The following ACY3 variants were observed in gnomAD, a reference collection of about 807,000 sequenced individuals.
ACY3 encodes aminoacylase 3.
Under a neutral mutation model 24.6 loss-of-function variants are expected in ACY3, and 20 were observed. The ratio of observed to expected loss-of-function variants is 0.81; its 90% CI spans 0.57 to 1.18. The LOEUF is 1.18. Ranked by LOEUF, ACY3 falls within the 50% of genes most tolerant of loss-of-function variation. The pLI, the probability that ACY3 is intolerant of heterozygous loss-of-function variation, is 0.00. For missense variants in ACY3, 423 were observed against 426.8 expected, an observed-to-expected ratio of 0.99 and a Z score of 0.08; for synonymous variants, 174 against 188.4, an observed-to-expected ratio of 0.92 and a Z score of 0.62.
Position 67,645,280 on chromosome 11 carries a change from G to A in ACY3, c.526+7C>T, listed in dbSNP as rs751570351. The stretch of plus-strand genomic sequence containing the variant: ...CCCCGCCCACTTCTCAGAAGGCTGC[G>A]GCCCACCCAGTCCATTTTTGGCCAC... On this transcript the variant is annotated splice_region_variant and intron_variant, in intron 5 of 7. Coordinates refer to ENST00000255082, the MANE Select transcript of ACY3 (RefSeq NM_080658.2). 3 of 1,613,344 alleles carry A rather than the reference G, an allele frequency of 1.9e-6. No individual in the cohort carries two copies. The highest frequency in any genetic ancestry group is 2.5e-6 in the Non-Finnish European group (3 of 1,179,892).
At chr11:67,644,707 C>T in intron 7 of ACY3, 53 bp downstream of exon 7, 1 of 1,489,634 alleles carries the variant, frequency 6.7e-7, no homozygotes, top group Non-Finnish European at 9.0e-7. Context: ...CTCCCCAAGG[C>T]TGTGGCCCCA....
At chr11:67,646,688 A>C in intron 3 of ACY3, 120 bp downstream of exon 3, 1 of 976,348 alleles carries the variant, frequency 1.0e-6, no homozygotes, top group South Asian at 1.4e-5. Context: ...AATGGGCCAC[A>C]TAGGCAGAGG....
Position 67,645,292 on chromosome 11 carries a change from C to T in ACY3, c.521G>A (p.Gly174Glu). ...SYNLDSVAKN[G>E]LGLELGPQPQ... ...CTCAGAAGGCTGCGGCCCACCCAGT[C>T]CATTTTTGGCCACAGAGTCCAGGTT... The change falls in exon 5 of 8, where the codon GGA becomes GAA. Residue 174 changes from glycine to glutamate, a missense_variant. Gly to Glu is a moderately conservative substitution (Grantham distance 98, BLOSUM62 -2). Coordinates refer to ENST00000255082, the MANE Select transcript of ACY3 (RefSeq NM_080658.2). 1 of 1,613,624 alleles carries T rather than the reference C, an allele frequency of 6.2e-7. No homozygotes were observed.
chr11:67,648,336 G>A (rs1855554971), intron 1 of ACY3, among the ~76,000 whole-genome samples: 1 of 152,138 alleles, frequency 6.6e-6, no homozygotes, highest in Non-Finnish European at 1.5e-5. Context: ...CCCTAGAGGC[G>A]GGCTGTAGGT....
intron 7 of ACY3, among the ~76,000 whole-genome samples, chr11:67,643,883 T>C (rs1015230533): frequency 1.3e-5 from 2 of 151,624 alleles, no homozygotes; most frequent in African/African-American, 2.4e-5. Context: ...TAATCCCAGC[T>C]ACTGGGGAGG....
chr11:67,643,639 C>T (rs986348923), intron 7 of ACY3, among the ~76,000 whole-genome samples: 3 of 151,852 alleles, frequency 2.0e-5, no homozygotes, highest in Non-Finnish European at 2.9e-5. Context: ...TATTATGCCA[C>T]TGCACTCCAG....
intron 1 of ACY3, among the ~76,000 whole-genome samples, chr11:67,649,257 A>G (rs2134114115): frequency 6.6e-6 from 1 of 152,192 alleles, no homozygotes; most frequent in Non-Finnish European, 1.5e-5. Flanking sequence ...CCCAACCCCC[A>G]CAGAGGCTGG....
chr11:67,644,375 A>G (rs1855467597), intron 7 of ACY3, among the ~76,000 whole-genome samples: 1 of 152,214 alleles, frequency 6.6e-6, no homozygotes, highest in South Asian at 2.1e-4. Flanking sequence ...GGGATGCTCG[A>G]GGAACCAATT....
chr11:67,648,790 C>T (rs2514038), intron 1 of ACY3, among the ~76,000 whole-genome samples: 5,069 of 152,264 alleles, frequency 0.033, 288 homozygotes, highest in African/African-American at 0.12. Flanking sequence ...TTCGTGAGCT[C>T]AGAGCATGGC....
chr11:67,644,658 G>T, intron 7 of ACY3, 102 bp downstream of exon 7: 1 of 1,143,868 alleles, frequency 8.7e-7, no homozygotes, highest in South Asian at 1.5e-5. Context: ...GGGAGGCTTG[G>T]CTGCACCCCC....
In ACY3 at chr11:67,645,898, G is replaced by A. The variant is rs372768515; in HGVS notation, c.237-11C>T. On this transcript the variant is annotated splice_polypyrimidine_tract_variant and intron_variant, in intron 3 of 7. Coordinates refer to ENST00000255082, the MANE Select transcript of ACY3 (RefSeq NM_080658.2). ...GGGGTGGGCCTGGAACTGTGGAGAC[G>A]GGAATGGGGGACACCGATCTTCACA... 61 of 1,575,460 alleles carry A rather than the reference G, an allele frequency of 3.9e-5. No homozygotes were observed. The highest frequency in any genetic ancestry group is 4.9e-5 in the Non-Finnish European group (57 of 1,159,830).
chr11:67,648,563 C>T (rs1219288674), intron 1 of ACY3, among the ~76,000 whole-genome samples: 1 of 152,134 alleles, frequency 6.6e-6, no homozygotes. Context: ...GGTGCTGGGA[C>T]CCTGAGCTGG....
chr11:67,647,412 G>A (rs1241671937), intron 2 of ACY3, 104 bp downstream of exon 2: 1 of 202,762 alleles, frequency 4.9e-6, no homozygotes, highest in Non-Finnish European at 9.8e-6. Flanking sequence ...TGTCACCAGA[G>A]TTAGCTGTGG....
Position 67,644,793 on chromosome 11 carries a change from C to A in ACY3, c.711G>T (p.Gly237=). ...GVVDFPRTEA[G]HLAGTVHPQL... ...GAGGATGCACAGTGCCTGCCAGGTG[C>A]CCGGCCTCGGTGCGGGGGAAGTCCA... Residue 237 remains glycine (G), a synonymous_variant, in exon 7 of 8, where the codon GGG becomes GGT. Coordinates refer to ENST00000255082, the MANE Select transcript of ACY3 (RefSeq NM_080658.2). The A allele has an allele frequency of 1.3e-6, 2 of 1,562,114 alleles. No homozygotes were observed. Among genetic ancestry groups the A allele is most frequent in the Non-Finnish European group, 1.7e-6 (2 of 1,153,540 alleles).
rs1351775616 is a variant in ACY3 at position 67,647,602 on chromosome 11, A to T, written c.-94-13T>A. ...GGTATTCATGGGCCTGGAGATCCAC[A>T]GATGGGAAGTTTTGTGGCAAGCTGG... On this transcript the variant is annotated splice_polypyrimidine_tract_variant and intron_variant, in intron 1 of 7. Transcript: ENST00000255082. 1 of 139,856 alleles carries T rather than the reference A, an allele frequency of 7.2e-6. No homozygotes were observed. Among genetic ancestry groups the T allele is most frequent in the African/African-American group, 2.6e-5 (1 of 38,492 alleles). 8.7% of individuals were successfully genotyped at this position (139,856 alleles called of 1,614,324 possible).
intron 3 of ACY3, among the ~76,000 whole-genome samples, 181 bp from the exon 4 acceptor site, chr11:67,646,068 G>A (rs376211378): frequency 3.3e-5 from 5 of 152,262 alleles, no homozygotes; most frequent in East Asian, 3.9e-4. Flanking sequence ...TGCACTTCCC[G>A]GTAAAATCCA....
Position 67,644,869 on chromosome 11 carries a change from C to T in ACY3, c.635G>A (p.Gly212Asp), listed in dbSNP as rs1855480392. The T allele has an allele frequency of 6.2e-7, 1 of 1,607,318 alleles. No homozygotes were observed. Among genetic ancestry groups the T allele is most frequent in the African/African-American group, 1.3e-5 (1 of 74,746 alleles). Reference sequence around the variant, plus strand: ...CATCTCAAAGGCAGGAAAGGCCGTACCTGTGTGGGAGGCTGGGTGTGTGAG... The same window carrying T: ...CATCTCAAAGGCAGGAAAGGCCGTATCTGTGTGGGAGGCTGGGTGTGTGAG... ...VLDFIELFNQ[G>D]TAFPAFEMEA... Residue 212 changes from glycine to aspartate, a missense_variant and splice_region_variant, in exon 7 of 8, where the codon GGT (glycine) becomes GAT (aspartate). Coordinates refer to ENST00000255082, the MANE Select transcript of ACY3 (RefSeq NM_080658.2).
At chr11:67,648,826 T>A (rs1202974389) in intron 1 of ACY3, among the ~76,000 whole-genome samples, 1 of 152,172 alleles carries the variant, frequency 6.6e-6, no homozygotes, top group Non-Finnish European at 1.5e-5. Context: ...GGATTTGTCA[T>A]CCTGGCTCCC....
intron 5 of ACY3, 32 bp from the exon 6 acceptor site, chr11:67,645,184 T>C: frequency 6.2e-7 from 1 of 1,606,592 alleles, no homozygotes. Context: ...GTTAGGCAGG[T>C]GCAGGACCCA....
Sources: allele counts gnomAD v4.1 joint callset (sites outside exome capture counted in the v4.1 genomes callset), GRCh38; gene constraint gnomAD v4.1.1; transcripts MANE v1.5; gene names NCBI Gene and HGNC (gene_info 2026-07-23, HGNC 2026-07-21).